The following MIR2052HG variants were observed in gnomAD, a reference collection of about 807,000 sequenced individuals.
MIR2052HG encodes MIR2052 host gene.
intron 2 of MIR2052HG, among the ~76,000 whole-genome samples, chr8:74,675,112 G>T (rs577352639): frequency 6.6e-6 from 1 of 152,104 alleles, no homozygotes; most frequent in South Asian, 2.1e-4. Flanking sequence ...AAATTGTGGG[G>T]ATGCAGTGGT....
intron 1 of MIR2052HG, among the ~76,000 whole-genome samples, chr8:74,602,638 A>G (rs1808018882): frequency 6.6e-6 from 1 of 151,194 alleles, no homozygotes; most frequent in Non-Finnish European, 1.5e-5. Flanking sequence ...CAGCCTCCCA[A>G]GTAGCTAGGA....
At chr8:74,644,679 T>G (rs1808673361) in intron 2 of MIR2052HG, among the ~76,000 whole-genome samples, 1 of 151,966 alleles carries the variant, frequency 6.6e-6, no homozygotes, top group Non-Finnish European at 1.5e-5. Context: ...TTACTTGAGC[T>G]CAGGAGTTCA....
In MIR2052HG at chr8:74,641,716, G is replaced by A. The variant is rs111425587; in HGVS notation, n.216+28776G>A. On this transcript the variant is annotated intron_variant and non_coding_transcript_variant, in intron 2 of 6. Coordinates refer to ENST00000523442, the Ensembl canonical transcript of MIR2052HG. ...AATACATTTGTGTTTGAATAATTCC[G>A]CATCAATATACATGAACCTGTTTAT... Among the ~76,000 whole-genome samples, 640 of 152,006 alleles carry A rather than the reference G, an allele frequency of 4.2e-3. 3 individuals carry two copies. Among genetic ancestry groups the A allele is most frequent in the Non-Finnish European group, 7.6e-3 (519 of 67,982 alleles).
intron 4 of MIR2052HG, among the ~76,000 whole-genome samples, chr8:74,736,255 C>T (rs996803247): frequency 3.9e-5 from 6 of 152,172 alleles, no homozygotes; most frequent in Non-Finnish European, 7.3e-5. Flanking sequence ...TAGTAGTACA[C>T]ACTCCTCTAC....
At chr8:74,672,308 T>C (rs1315036402) in intron 2 of MIR2052HG, among the ~76,000 whole-genome samples, 1 of 152,114 alleles carries the variant, frequency 6.6e-6, no homozygotes, top group Non-Finnish European at 1.5e-5. Context: ...CATTTGATTA[T>C]ATGAAGCACA....
rs141723208 is a variant in MIR2052HG, at chr8:74,712,445, A to AC, written n.371+8764dup. On this transcript the variant is annotated intron_variant and non_coding_transcript_variant, in intron 4 of 6. Transcript: ENST00000523442. Reference sequence around the variant, plus strand: ...TCTCAACTACTTACATGAAATCATAACATTTGGAATATCTTATATTTAGTT... The same window carrying AC: ...TCTCAACTACTTACATGAAATCATAACCATTTGGAATATCTTATATTTAGTT... Among the ~76,000 whole-genome samples, 1,263 of 152,306 alleles carry AC rather than the reference A, an allele frequency of 8.3e-3. 14 individuals are homozygous for AC. Among genetic ancestry groups the AC allele is most frequent in the African/African-American group, 0.028 (1,178 of 41,570 alleles).
At chr8:74,619,303 A>G (rs901095608) in intron 2 of MIR2052HG, among the ~76,000 whole-genome samples, 1 of 152,172 alleles carries the variant, frequency 6.6e-6, no homozygotes, top group African/African-American at 2.4e-5. Context: ...AAAGACCTCA[A>G]TAGCCAAAGC....
chr8:74,671,102 A>G (rs1808987343), intron 2 of MIR2052HG, among the ~76,000 whole-genome samples: 1 of 140,566 alleles, frequency 7.1e-6, no homozygotes, highest in Non-Finnish European at 1.5e-5. Flanking sequence ...AGTTACATCA[A>G]TGAGAGTGTA....
intron 4 of MIR2052HG, among the ~76,000 whole-genome samples, chr8:74,734,940 C>A (rs1398670581): frequency 6.6e-6 from 1 of 152,108 alleles, no homozygotes; most frequent in Non-Finnish European, 1.5e-5. Context: ...AATGAAATAC[C>A]CTGGAGCTAC....
chr8:74,641,738 T>C (rs2128735324), intron 2 of MIR2052HG, among the ~76,000 whole-genome samples: 1 of 152,288 alleles, frequency 6.6e-6, no homozygotes, highest in Non-Finnish European at 1.5e-5. Flanking sequence ...ATGAACCTGT[T>C]TATCCTCATC....
chr8:74,735,725 C>T (rs1040091348), intron 4 of MIR2052HG, among the ~76,000 whole-genome samples: 4 of 152,142 alleles, frequency 2.6e-5, no homozygotes, highest in African/African-American at 4.8e-5. Context: ...CTAAAAGTTC[C>T]GGGTGATCCT....
intron 2 of MIR2052HG, among the ~76,000 whole-genome samples, chr8:74,662,593 A>G (rs1808877152): frequency 6.6e-6 from 1 of 152,194 alleles, no homozygotes; most frequent in Non-Finnish European, 1.5e-5. Flanking sequence ...AAGAAAAAAA[A>G]GAAGTTGCGT....
Position 74,654,048 on chromosome 8 carries a change from TG to T in MIR2052HG, n.216+41109del, listed in dbSNP as rs550828673. Among the ~76,000 whole-genome samples, 480 of 152,320 alleles carry T rather than the reference TG, an allele frequency of 3.2e-3. 1 individual carries two copies. Among genetic ancestry groups the T allele is most frequent in the African/African-American group, 0.011 (465 of 41,594 alleles). On this transcript the variant is annotated intron_variant and non_coding_transcript_variant, in intron 2 of 6. Coordinates refer to ENST00000523442, the Ensembl canonical transcript of MIR2052HG. ...ATAGAGGCACCTCAGGACCAGTTTT[TG>T]TAAATTGTAGACACCCCTACCTCCA...
intron 1 of MIR2052HG, chr8:74,604,228 A>G (rs1431998403): frequency 6.7e-6 from 6 of 901,024 alleles, no homozygotes; most frequent in Non-Finnish European, 1.1e-5. Context: ...TCCACCTTCA[A>G]TCACACTGGT....
chr8:74,678,861 T>C (rs541887799), intron 2 of MIR2052HG, among the ~76,000 whole-genome samples: 46 of 152,176 alleles, frequency 3.0e-4, no homozygotes, highest in Non-Finnish European at 5.9e-5. Flanking sequence ...ATATAATTCA[T>C]AGTGAACAAG....
At chr8:74,711,710 T>C (rs1809469988) in intron 4 of MIR2052HG, among the ~76,000 whole-genome samples, 1 of 152,242 alleles carries the variant, frequency 6.6e-6, no homozygotes, top group Non-Finnish European at 1.5e-5. Context: ...TTTACATTTG[T>C]ACATTTGCTA....
At chr8:74,663,557 C>T (rs953371890) in intron 2 of MIR2052HG, among the ~76,000 whole-genome samples, 1 of 152,156 alleles carries the variant, frequency 6.6e-6, no homozygotes, top group African/African-American at 2.4e-5. Flanking sequence ...GTCTGTTTTC[C>T]CTGTCTTTCA....
chr8:74,602,829 C>CTT (rs1348683057), intron 1 of MIR2052HG, among the ~76,000 whole-genome samples: 2 of 130,928 alleles, frequency 1.5e-5, no homozygotes, highest in African/African-American at 5.9e-5. Context: ...TTCTTTCTTT[C>CTT]TTTCTTTCTT....
At chr8:74,679,877 G>A (rs1483855093) in intron 2 of MIR2052HG, among the ~76,000 whole-genome samples, 1 of 152,066 alleles carries the variant, frequency 6.6e-6, no homozygotes, top group Non-Finnish European at 1.5e-5. Context: ...AATAGTAGAA[G>A]TGTTCCCTGT....
Sources: allele counts gnomAD v4.1 joint callset (sites outside exome capture counted in the v4.1 genomes callset), GRCh38; gene constraint gnomAD v4.1.1; transcripts MANE v1.5; gene names NCBI Gene and HGNC (gene_info 2026-07-23, HGNC 2026-07-21).